The following MSI2 variants were observed in gnomAD, a reference collection of about 807,000 sequenced individuals.
MSI2 encodes musashi RNA binding protein 2, also known as RNA-binding protein Musashi homolog 2.
MSI2 carries 17 observed loss-of-function variants against 45.6 expected under a neutral mutation model. The ratio of observed to expected loss-of-function variants is 0.37; its 90% CI spans 0.26 to 0.56. The LOEUF (loss-of-function observed/expected upper bound fraction) is 0.56, where lower values mean the gene tolerates loss of function less well. MSI2 is among the 20% of genes least tolerant of loss of function. The pLI is 0.77. For missense variants in MSI2, 293 were observed against 444.2 expected, an observed-to-expected ratio of 0.66 and a Z score of 3.06; for synonymous variants, 156 against 158.2, an observed-to-expected ratio of 0.99 and a Z score of 0.11.
At chr17:57,283,308 A>G (rs927929232) in intron 5 of MSI2, among the ~76,000 whole-genome samples, 3 of 152,122 alleles carry the variant, frequency 2.0e-5, no homozygotes, top group Non-Finnish European at 4.4e-5. Flanking sequence ...TCAGTCAGTA[A>G]TGTCAGCCCC....
rs574802178 is a variant in MSI2, at chr17:57,606,669, A to G, written c.538-9301A>G. ...TCCACACCCAGCCGCTGCTTGGTAA[A>G]TAGTAGATGCTTAATGTTTATTTTT... is the stretch of plus-strand genomic sequence containing the variant. On this transcript the variant is annotated intron_variant, in intron 8 of 13. Coordinates refer to ENST00000284073, the MANE Select transcript of MSI2 (RefSeq NM_138962.4). 2.6e-5 allele frequency among the ~76,000 whole-genome samples: 4 copies of G among 152,288 alleles called. No homozygotes were observed. The East Asian group carries it at 5.8e-4, about 22-fold the overall frequency.
At chr17:57,502,625 A>ATATATATG (rs1555614758) in intron 6 of MSI2, among the ~76,000 whole-genome samples, 1 of 126,656 alleles carries the variant, frequency 7.9e-6, no homozygotes, top group Non-Finnish European at 1.7e-5. Flanking sequence ...ATATATATAT[A>ATATATATG]TATATATATA....
In MSI2 at chr17:57,280,686, C is replaced by T. The variant is rs1598064696; in HGVS notation, c.312+18494C>T. On this transcript the variant is annotated intron_variant, in intron 5 of 13. Coordinates refer to ENST00000284073, the MANE Select transcript of MSI2 (RefSeq NM_138962.4). The surrounding 1 kb of genome is among the most constrained non-coding windows in gnomAD (Gnocchi z 4.2). ...CAATCGGCATACTCTTAGTGACGGA[C>T]CCCTATTGGTAAACTTGTTTTTGAG... is the stretch of plus-strand genomic sequence containing the variant. Among the ~76,000 whole-genome samples, 2 of 152,158 alleles carry T rather than the reference C, an allele frequency of 1.3e-5. No individual in the cohort carries two copies. The highest frequency in any genetic ancestry group is 1.9e-4 in the East Asian group (1 of 5,176).
chr17:57,455,605 T>C (rs1414254763), intron 6 of MSI2, among the ~76,000 whole-genome samples: 2 of 152,064 alleles, frequency 1.3e-5, no homozygotes, highest in Non-Finnish European at 2.9e-5. Context: ...AGTTTTTGTG[T>C]ATAGCGAGTC....
chr17:57,667,779 C>T (rs548495031), intron 11 of MSI2, among the ~76,000 whole-genome samples: 6 of 152,336 alleles, frequency 3.9e-5, no homozygotes, highest in African/African-American at 1.2e-4. Flanking sequence ...CATGAGCAGA[C>T]AGCAGTCAAC....
chr17:57,288,095 CT>C (rs1290616552), intron 5 of MSI2, among the ~76,000 whole-genome samples: 1 of 152,168 alleles, frequency 6.6e-6, no homozygotes, highest in African/African-American at 2.4e-5. Context: ...GGAGACAGTT[CT>C]GGGATTGAAT....
intron 5 of MSI2, among the ~76,000 whole-genome samples, chr17:57,342,499 G>A (rs911209061): frequency 2.6e-5 from 4 of 152,224 alleles, no homozygotes; most frequent in African/African-American, 9.6e-5. Flanking sequence ...TGAAGTTGAA[G>A]AATGACTTTT....
At chr17:57,345,866 C>T (rs34797194) in intron 5 of MSI2, among the ~76,000 whole-genome samples, 1,656 of 151,442 alleles carry the variant, frequency 0.011, 21 homozygotes, top group Middle Eastern at 0.051. Context: ...ATTCCAATTT[C>T]CCTAGTTTTT....
At chr17:57,348,456 A>G (rs1318976608) in intron 5 of MSI2, among the ~76,000 whole-genome samples, 6 of 152,110 alleles carry the variant, frequency 3.9e-5, no homozygotes, top group Non-Finnish European at 8.8e-5. Flanking sequence ...GAGGTATTGG[A>G]TCAAGGGGGC....
chr17:57,481,362 T>TACA (rs2085644088), intron 6 of MSI2, among the ~76,000 whole-genome samples: 1 of 152,216 alleles, frequency 6.6e-6, no homozygotes, highest in East Asian at 1.9e-4. Flanking sequence ...TTCATTGTAT[T>TACA]GTCTTCTCCA....
chr17:57,351,383 C>G lies in MSI2; in HGVS notation c.313-49996C>G, dbSNP rs573221499. 2.5e-4 allele frequency among the ~76,000 whole-genome samples: 38 copies of G among 152,260 alleles called. 1 individual carries two copies. In the South Asian group the frequency reaches 7.7e-3, roughly 31 times the overall value. ...CTTAGTTGCCCTCCCCAGTCCTCAT[C>G]AACACCTCCTAGCCACCACAAATAA... On this transcript the variant is annotated intron_variant, in intron 5 of 13. Coordinates refer to ENST00000284073, the MANE Select transcript of MSI2 (RefSeq NM_138962.4).
At chr17:57,300,204 AT>A (rs1015357070) in intron 5 of MSI2, among the ~76,000 whole-genome samples, 2 of 151,234 alleles carry the variant, frequency 1.3e-5, no homozygotes, top group East Asian at 1.9e-4. Context: ...AAGCAGTGGG[AT>A]TTTTTTTTAA....
At chr17:57,383,998 C>T (rs2083643289) in intron 5 of MSI2, among the ~76,000 whole-genome samples, 1 of 152,204 alleles carries the variant, frequency 6.6e-6, no homozygotes, top group African/African-American at 2.4e-5. Context: ...AAGTGTGTGG[C>T]TGAGATCTGG....
In MSI2 at chr17:57,529,172, A is replaced by C. The variant is rs762800182; in HGVS notation, c.406-504A>C. 6.6e-6 allele frequency among the ~76,000 whole-genome samples: 1 copy of C among 152,138 alleles called. No homozygotes were observed. Among genetic ancestry groups the C allele is most frequent in the Non-Finnish European group, 1.5e-5 (1 of 68,024 alleles). ...TACTCCAGGCCTGGAGCAGTGGCTCACACCTATAATCTCAGCGCTTTGAAA... is the reference window on the plus strand; with the variant it reads ...TACTCCAGGCCTGGAGCAGTGGCTCCCACCTATAATCTCAGCGCTTTGAAA... On this transcript the variant is annotated intron_variant, in intron 6 of 13. Coordinates refer to ENST00000284073, the MANE Select transcript of MSI2 (RefSeq NM_138962.4). The surrounding 1 kb of genome is among the most constrained non-coding windows in gnomAD (Gnocchi z 5.3).
intron 10 of MSI2, among the ~76,000 whole-genome samples, chr17:57,638,516 T>C (rs1910004689): frequency 6.6e-6 from 1 of 152,194 alleles, no homozygotes; most frequent in Non-Finnish European, 1.5e-5. Context: ...TTGACTCTGC[T>C]GGACAGCCTT....
At chr17:57,636,559 G>A (rs913789430) in intron 10 of MSI2, among the ~76,000 whole-genome samples, 1 of 152,206 alleles carries the variant, frequency 6.6e-6, no homozygotes, top group Non-Finnish European at 1.5e-5. Context: ...GGCGTCTCCT[G>A]TGTCCTGCTC....
intron 6 of MSI2, among the ~76,000 whole-genome samples, chr17:57,472,709 G>A (rs1479384321): frequency 6.6e-6 from 1 of 152,166 alleles, no homozygotes; most frequent in Non-Finnish European, 1.5e-5. Flanking sequence ...GCTGTGCGCT[G>A]TGTGAAACAC....
intron 7 of MSI2, among the ~76,000 whole-genome samples, chr17:57,547,112 A>C (rs1013647116): frequency 5.3e-5 from 8 of 152,212 alleles, no homozygotes; most frequent in African/African-American, 1.4e-4. Context: ...AAGGCATTCC[A>C]AGGAGCAGAT....
intron 5 of MSI2, among the ~76,000 whole-genome samples, chr17:57,292,228 T>C (rs1019808215): frequency 1.3e-5 from 2 of 152,078 alleles, no homozygotes; most frequent in Non-Finnish European, 2.9e-5. Context: ...CAGGAAAAGT[T>C]CTGCATTCCG....
Sources: allele counts gnomAD v4.1 joint callset (sites outside exome capture counted in the v4.1 genomes callset), GRCh38; gene constraint gnomAD v4.1.1; non-coding constraint Gnocchi (gnomAD v3.1); transcripts MANE v1.5; gene names NCBI Gene and HGNC (gene_info 2026-07-23, HGNC 2026-07-21).